TRPM3: variants seen among roughly 807,000 people sequenced by gnomAD.
TRPM3 encodes the protein transient receptor potential cation channel subfamily M member 3, also known as long transient receptor potential channel 3.
In TRPM3, 77 loss-of-function variants were observed where a neutral mutation model predicts 181.2. That is an observed-to-expected ratio of 0.42 (90% CI 0.35 to 0.51). TRPM3 has a LOEUF of 0.51. Ranked by LOEUF, TRPM3 falls within the 20% of genes least tolerant of loss-of-function variation. The pLI is 0.01. For synonymous variants in TRPM3, 745 were observed against 796.4 expected (o/e 0.94, Z 1.09); for missense variants, 1,759 against 2,196.7 (o/e 0.80, Z 3.98).
chr9:70,621,180 C>CAT, intron 15 of TRPM3, 64 bp downstream of exon 15: 2 of 974,914 alleles, frequency 2.1e-6, no homozygotes, highest in South Asian at 3.7e-5. Context: ...ATATATGTAG[C>CAT]ATATATATAA....
chr9:70,583,061 C>T (rs1261101641), intron 22 of TRPM3, among the ~76,000 whole-genome samples: 5 of 152,078 alleles, frequency 3.3e-5, no homozygotes, highest in Non-Finnish European at 5.9e-5. Flanking sequence ...CTTGGTACCC[C>T]CCACCCCAGG....
chr9:70,612,225 A>AATT (rs2062100154), intron 18 of TRPM3, among the ~76,000 whole-genome samples: 1 of 152,208 alleles, frequency 6.6e-6, no homozygotes, highest in Non-Finnish European at 1.5e-5. Flanking sequence ...ATAACAGCAT[A>AATT]ATTTCTTGAC....
intron 8 of TRPM3, among the ~76,000 whole-genome samples, chr9:70,756,552 A>G (rs1587912333): frequency 1.4e-5 from 2 of 142,404 alleles, no homozygotes; most frequent in South Asian, 4.6e-4. Context: ...TCTTCTCAGC[A>G]CCGCATCACA....
At chr9:70,609,421 T>C (rs74718130) in intron 19 of TRPM3, among the ~76,000 whole-genome samples, 1 of 152,236 alleles carries the variant, frequency 6.6e-6, no homozygotes, top group Non-Finnish European at 1.5e-5. Flanking sequence ...ACATCTAATA[T>C]TTACATTTCG....
chr9:71,295,061 A>G (rs67176266), intron 1 of TRPM3, among the ~76,000 whole-genome samples: 1 of 152,044 alleles, frequency 6.6e-6, no homozygotes, highest in Non-Finnish European at 1.5e-5. Flanking sequence ...GGATATTAAA[A>G]ATAGAGGTGT....
intron 1 of TRPM3, among the ~76,000 whole-genome samples, chr9:71,287,164 T>C (rs1322297016): frequency 6.8e-6 from 1 of 147,480 alleles, no homozygotes; most frequent in Non-Finnish European, 1.5e-5. Flanking sequence ...AATATATGTA[T>C]ATAAAATAAC....
At chr9:70,580,948 A>G (rs2055483491) in intron 22 of TRPM3, among the ~76,000 whole-genome samples, 2 of 152,234 alleles carry the variant, frequency 1.3e-5, no homozygotes, top group South Asian at 2.1e-4. Context: ...GCAACAAAGT[A>G]TGTCTTTTTA....
intron 25 of TRPM3, among the ~76,000 whole-genome samples, chr9:70,543,902 G>A (rs1260127524): frequency 6.6e-6 from 1 of 152,164 alleles, no homozygotes; most frequent in Non-Finnish European, 1.5e-5. Flanking sequence ...CAAGTATGTA[G>A]GTACAGCAGG....
At chr9:71,205,521 A>C (rs144137466) in intron 1 of TRPM3, among the ~76,000 whole-genome samples, 40 of 152,278 alleles carry the variant, frequency 2.6e-4, no homozygotes, top group Non-Finnish European at 3.8e-4. Context: ...CATCCATGGC[A>C]AGTTTGTTGG....
At chr9:70,756,047 G>T (rs542512558) in intron 8 of TRPM3, among the ~76,000 whole-genome samples, 2 of 152,148 alleles carry the variant, frequency 1.3e-5, no homozygotes, top group South Asian at 4.2e-4. Flanking sequence ...TCGGTATGCT[G>T]TATTCTGGAG....
chr9:71,159,624 GT>G (rs1398726692), intron 1 of TRPM3, among the ~76,000 whole-genome samples: 1 of 152,082 alleles, frequency 6.6e-6, no homozygotes, highest in Non-Finnish European at 1.5e-5. Context: ...TAGCCTTGGA[GT>G]AAAAGGGTAC....
chr9:71,110,140 CAGACACTG>C (rs2070739172), intron 1 of TRPM3, among the ~76,000 whole-genome samples: 1 of 152,106 alleles, frequency 6.6e-6, no homozygotes, highest in South Asian at 2.1e-4. Flanking sequence ...CAATTTCCCT[CAGACACTG>C]AGCAGTTTCA....
intron 1 of TRPM3, among the ~76,000 whole-genome samples, chr9:71,327,354 T>C (rs1230229040): frequency 6.6e-6 from 1 of 152,220 alleles, no homozygotes; most frequent in Admixed American, 6.5e-5. Context: ...TCTAACCACC[T>C]GTCATGCTGG....
chr9:70,772,425 C>A (rs906263136), intron 7 of TRPM3, among the ~76,000 whole-genome samples: 1 of 151,872 alleles, frequency 6.6e-6, no homozygotes, highest in Non-Finnish European at 1.5e-5. Flanking sequence ...TCAGGTGATC[C>A]TCCCACCTCA....
chr9:70,833,801 G>A (rs1423296212), intron 5 of TRPM3, among the ~76,000 whole-genome samples: 2 of 152,136 alleles, frequency 1.3e-5, no homozygotes, highest in African/African-American at 4.8e-5. Flanking sequence ...TATGTATACA[G>A]AGGTCAGGAA....
intron 1 of TRPM3, among the ~76,000 whole-genome samples, chr9:71,306,113 C>T (rs1053231290): frequency 5.9e-5 from 9 of 152,150 alleles, no homozygotes; most frequent in Admixed American, 5.9e-4. Context: ...CACACACTCT[C>T]AAGCAGAAAT....
chr9:71,275,454 A>T (rs921195244), intron 1 of TRPM3, among the ~76,000 whole-genome samples: 1 of 152,146 alleles, frequency 6.6e-6, no homozygotes, highest in African/African-American at 2.4e-5. Context: ...TCACAAATTA[A>T]TCTATAAATT....
At chr9:70,852,822 T>A (rs976858479) in intron 3 of TRPM3, among the ~76,000 whole-genome samples, 1 of 152,202 alleles carries the variant, frequency 6.6e-6, no homozygotes, top group Non-Finnish European at 1.5e-5. Context: ...TCCTAGATAA[T>A]GCAATCTCTC....
rs184133775 is a variant in TRPM3, at chr9:71,041,597, C to T, written c.177+79581G>A. Among the ~76,000 whole-genome samples, 737 of 152,218 alleles carry T rather than the reference C, an allele frequency of 4.8e-3. 5 individuals carry two copies. The highest frequency in any genetic ancestry group is 0.016 in the African/African-American group (677 of 41,518). On this transcript the variant is annotated intron_variant, in intron 1 of 25. Coordinates refer to ENST00000677713, the MANE Select transcript of TRPM3 (RefSeq NM_001366145.2). ...TAGAAAAAGGCTGTTATTTCCCACT[C>T]GACCCAGCTCAGAGAAAAGACCAGA...
Sources: allele counts gnomAD v4.1 joint callset (sites outside exome capture counted in the v4.1 genomes callset), GRCh38; gene constraint gnomAD v4.1.1; transcripts MANE v1.5; gene names NCBI Gene and HGNC (gene_info 2026-07-23, HGNC 2026-07-21).